HS3ST2: variants seen among roughly 807,000 people sequenced by gnomAD.
HS3ST2 encodes the protein heparan sulfate-glucosamine 3-sulfotransferase 2.
A neutral mutation model predicts 26.3 loss-of-function variants in HS3ST2; 17 were observed. The ratio of observed to expected loss-of-function variants is 0.65; its 90% confidence interval spans 0.44 to 0.97. The LOEUF is 0.97. Among genes scored for constraint, HS3ST2 ranks in the 50% least tolerant of loss-of-function variants. The pLI is 0.00. For synonymous variants in HS3ST2, 237 were observed against 219.2 expected (o/e 1.08, Z -0.72); for missense variants, 402 against 501.2 (o/e 0.80, Z 1.89).
intron 1 of HS3ST2, among the ~76,000 whole-genome samples, chr16:22,854,470 A>G (rs576895783): frequency 3.3e-5 from 5 of 151,948 alleles, no homozygotes; most frequent in African/African-American, 9.7e-5. Flanking sequence ...TTGTTTTGGT[A>G]TCTTGTTCAC....
At chr16:22,830,493 T>C (rs562539327) in intron 1 of HS3ST2, among the ~76,000 whole-genome samples, 2 of 152,252 alleles carry the variant, frequency 1.3e-5, no homozygotes, top group East Asian at 3.9e-4. Flanking sequence ...CAGAGGAACA[T>C]TGGGATGGTG....
At chr16:22,857,202 G>C (rs1901608312) in intron 1 of HS3ST2, among the ~76,000 whole-genome samples, 1 of 152,152 alleles carries the variant, frequency 6.6e-6, no homozygotes, top group Non-Finnish European at 1.5e-5. Context: ...GCTGAGTATA[G>C]TGATGAAAGT....
At chr16:22,816,160 G>A (rs1160762234) in intron 1 of HS3ST2, among the ~76,000 whole-genome samples, 1 of 152,158 alleles carries the variant, frequency 6.6e-6, no homozygotes, top group South Asian at 2.1e-4. Context: ...GTAATGTCCC[G>A]GCTCCCTGTT....
At chr16:22,884,663 T>A (rs191799868) in intron 1 of HS3ST2, among the ~76,000 whole-genome samples, 10,427 of 139,340 alleles carry the variant, frequency 0.075, 481 homozygotes, top group Middle Eastern at 0.14. Flanking sequence ...GAAAAAAATA[T>A]ATATATATAT....
At chr16:22,862,079 T>C (rs1901684890) in intron 1 of HS3ST2, among the ~76,000 whole-genome samples, 1 of 152,204 alleles carries the variant, frequency 6.6e-6, no homozygotes, top group South Asian at 2.1e-4. Flanking sequence ...TAGGGGTTTT[T>C]CTCTGGTTCA....
intron 1 of HS3ST2, among the ~76,000 whole-genome samples, chr16:22,842,039 T>C (rs1339669870): frequency 6.6e-6 from 1 of 150,668 alleles, no homozygotes; most frequent in African/African-American, 2.4e-5. Flanking sequence ...TTCTGTAATG[T>C]AATTTCTTTT....
At chr16:22,857,906 A>T (rs1052651607) in intron 1 of HS3ST2, among the ~76,000 whole-genome samples, 1 of 152,126 alleles carries the variant, frequency 6.6e-6, no homozygotes, top group Non-Finnish European at 1.5e-5. Context: ...TTAATAAGCC[A>T]CTCAGTACAT....
At chr16:22,843,152 A>T (rs1034376146) in intron 1 of HS3ST2, among the ~76,000 whole-genome samples, 2 of 147,278 alleles carry the variant, frequency 1.4e-5, no homozygotes, top group African/African-American at 5.1e-5. Flanking sequence ...GACTAGATGT[A>T]TGTATGTGTG....
chr16:22,863,088 A>C (rs1371253319), intron 1 of HS3ST2, among the ~76,000 whole-genome samples: 7 of 152,226 alleles, frequency 4.6e-5, no homozygotes, highest in African/African-American at 1.7e-4. Flanking sequence ...GTAATTGCAA[A>C]TAAGCTTCTG....
chr16:22,814,823 C>T lies in HS3ST2; in HGVS notation c.213C>T (p.Arg71=). ...AGGQKLLQKS[R]PCDPSGPTPS... is the part of the protein sequence containing the mutation. The stretch of plus-strand genomic sequence containing the variant: ...GCCAGAAACTTCTCCAGAAGTCCCG[C>T]CCCTGTGATCCCTCCGGGCCGACGC... Residue 71 remains arginine (R), a synonymous_variant, in exon 1 of 2, where the codon CGC becomes CGT. Transcript: ENST00000261374. 6.3e-6 allele frequency: 10 copies of T among 1,577,068 alleles called. No homozygotes were observed. Among genetic ancestry groups the T allele is most frequent in the Non-Finnish European group, 8.6e-6 (10 of 1,162,432 alleles).
At chr16:22,826,981 T>A (rs1212070484) in intron 1 of HS3ST2, among the ~76,000 whole-genome samples, 1 of 152,118 alleles carries the variant, frequency 6.6e-6, no homozygotes, top group African/African-American at 2.4e-5. Flanking sequence ...GTAAGTGCCA[T>A]GGAGAAAATA....
At chr16:22,898,264 A>G (rs1349846597) in intron 1 of HS3ST2, among the ~76,000 whole-genome samples, 1 of 152,196 alleles carries the variant, frequency 6.6e-6, no homozygotes, top group Non-Finnish European at 1.5e-5. Context: ...GATATGCAAG[A>G]TAATTACAGG....
chr16:22,824,274 C>G (rs1028295220), intron 1 of HS3ST2, among the ~76,000 whole-genome samples: 2 of 152,126 alleles, frequency 1.3e-5, no homozygotes, highest in Non-Finnish European at 2.9e-5. Context: ...ATGGGCTGGG[C>G]GTGGTGGCTC....
At chr16:22,836,249 T>C (rs1490697480) in intron 1 of HS3ST2, among the ~76,000 whole-genome samples, 1 of 152,232 alleles carries the variant, frequency 6.6e-6, no homozygotes, top group Non-Finnish European at 1.5e-5. Flanking sequence ...TTCAAGCTAA[T>C]AGAGACATGC....
At chr16:22,853,162 A>G (rs1477784250) in intron 1 of HS3ST2, among the ~76,000 whole-genome samples, 3 of 152,252 alleles carry the variant, frequency 2.0e-5, no homozygotes, top group East Asian at 1.9e-4. Flanking sequence ...GGGACATGCT[A>G]TCACCTCAGA....
At chr16:22,889,773 T>C (rs1414073800) in intron 1 of HS3ST2, among the ~76,000 whole-genome samples, 1 of 152,168 alleles carries the variant, frequency 6.6e-6, no homozygotes, top group Non-Finnish European at 1.5e-5. Context: ...TGTTTTTCAC[T>C]AAAATAGTTT....
chr16:22,861,543 AGGC>A (rs1901674407), intron 1 of HS3ST2, among the ~76,000 whole-genome samples: 1 of 152,102 alleles, frequency 6.6e-6, no homozygotes, highest in Non-Finnish European at 1.5e-5. Flanking sequence ...CCTCTTCCAC[AGGC>A]ATCTGAGCTG....
intron 1 of HS3ST2, among the ~76,000 whole-genome samples, chr16:22,907,418 GA>G (rs1203315395): frequency 2.6e-5 from 4 of 152,188 alleles, no homozygotes; most frequent in Non-Finnish European, 5.9e-5. Flanking sequence ...ATTGAAATGG[GA>G]AAAAACAATA....
intron 1 of HS3ST2, among the ~76,000 whole-genome samples, chr16:22,901,468 G>A (rs963416950): frequency 1.3e-5 from 2 of 152,122 alleles, no homozygotes; most frequent in Non-Finnish European, 2.9e-5. Context: ...ACCCCTACAC[G>A]AGATTCAAAT....
Sources: allele counts gnomAD v4.1 joint callset (sites outside exome capture counted in the v4.1 genomes callset), GRCh38; gene constraint gnomAD v4.1.1; transcripts MANE v1.5; gene names NCBI Gene and HGNC (gene_info 2026-07-23, HGNC 2026-07-21).